The following MYO1C variants were observed in gnomAD, a reference collection of about 807,000 sequenced individuals.
The protein encoded by MYO1C is unconventional myosin-Ic.
MYO1C carries 104 observed loss-of-function variants against 150.8 expected under a neutral mutation model. That is an observed-to-expected ratio of 0.69 (90% CI 0.59 to 0.81). MYO1C has a LOEUF of 0.81. MYO1C is among the 30% of genes least tolerant of loss of function. MYO1C has a pLI of 0.00. For synonymous variants in MYO1C, 663 were observed against 579.9 expected (o/e 1.14, Z -2.06); for missense variants, 1,504 against 1,435.0 (o/e 1.05, Z -0.78).
In MYO1C at chr17:1,478,327, G is replaced by A; in HGVS notation, c.1295+83C>T. On this transcript the variant is annotated intron_variant, in intron 11 of 31. Coordinates refer to ENST00000648651, the MANE Select transcript of MYO1C (RefSeq NM_001080779.2). This position sits in a 1 kb window ranked among gnomAD's most constrained non-coding sequence, Gnocchi z 6.3. ...TCCCCGGCTGGCTGGGGAGTCACAG[G>A]GCAGGAATGAGAGGCTGGAGGACAG... 5.1e-6 allele frequency: 8 copies of A among 1,583,122 alleles called. No homozygotes were observed. The highest frequency in any genetic ancestry group is 1.3e-5 in the African/African-American group (1 of 74,372).
At chr17:1,472,650 C>T (rs1385240201) in intron 17 of MYO1C, among the ~76,000 whole-genome samples, 4 of 152,206 alleles carry the variant, frequency 2.6e-5, no homozygotes, top group African/African-American at 9.7e-5. Flanking sequence ...CGCTCCTTGG[C>T]AAAGACTCAC....
In MYO1C at chr17:1,468,177, C is replaced by T; in HGVS notation, c.2761-54G>A. 13 of 1,611,628 alleles carry T rather than the reference C, an allele frequency of 8.1e-6. No individual in the cohort carries two copies. In the South Asian group the frequency reaches 1.2e-4, roughly 15 times the overall value. ...TGGGGAGAGGCTCCCAAGGCTCCGC[C>T]CCTGCCCTGACCTGCCTTCAGCTCT... On this transcript the variant is annotated intron_variant, in intron 27 of 31. Transcript: ENST00000648651.
rs750525143 is a variant in MYO1C at position 1,474,937 on chromosome 17, C to G, written c.1669+1G>C. 6.2e-7 allele frequency: 1 copy of G among 1,601,514 alleles called. No individual in the cohort carries two copies. The highest frequency in any genetic ancestry group is 1.1e-5 in the South Asian group (1 of 89,696). ...TGGGGACACAGCCCCAGGATCCTCA[C>G]CGGTCACGCTGTAGGTCACCTCCCC... On this transcript the variant is annotated splice_donor_variant, in intron 15 of 31. Coordinates refer to ENST00000648651, the MANE Select transcript of MYO1C (RefSeq NM_001080779.2). LOFTEE classifies it high-confidence loss of function.
In MYO1C at chr17:1,477,580, C is replaced by T. The variant is rs1402185235; in HGVS notation, c.1499G>A (p.Arg500His). The change falls in exon 14 of 32, where the codon CGC (arginine) becomes CAC (histidine). Residue 500 changes from arginine to histidine, a missense_variant. Arg to His is a conservative substitution (Grantham distance 29, BLOSUM62 0). Transcript: ENST00000648651. ...GGTCAGGTCTGTGGCCTCCCCGGGG[C>T]GCAGACACTCCTCATCCTGGGGGGT... Reference protein sequence around the residue: ...IISILDEECLRPGEATDLTFL... With the variant: ...IISILDEECLHPGEATDLTFL... 2 of 1,613,410 alleles carry T rather than the reference C, an allele frequency of 1.2e-6. No homozygotes were observed. Among genetic ancestry groups the T allele is most frequent in the Non-Finnish European group, 1.7e-6 (2 of 1,179,954 alleles).
chr17:1,484,110 A>AC (rs746696403), intron 2 of MYO1C, 38 bp downstream of exon 2: 39 of 1,609,130 alleles, frequency 2.4e-5, no homozygotes, highest in Non-Finnish European at 3.1e-5. Flanking sequence ...TGTGTCTGTG[A>AC]CCCCAGCACC....
Position 1,479,544 on chromosome 17 carries a change from G to GCCCCCCCCCCCCCCCGCCGC in MYO1C, c.1021-43_1021-42insGCGGCGGGGGGGGGGGGGGG. The GCCCCCCCCCCCCCCCGCCGC allele has an allele frequency of 8.5e-7, 1 of 1,175,168 alleles. No individual in the cohort carries two copies. Among genetic ancestry groups the GCCCCCCCCCCCCCCCGCCGC allele is most frequent in the Non-Finnish European group, 1.2e-6 (1 of 804,194 alleles). The allele number at this position is 1,175,168 out of a possible 1,614,324, so 72.8% of individuals were successfully genotyped here. ...AGGACACGGTGAGGGTGCACCCCCAGCCCCCGCCCCCGCCGTCCTCCCGTC... is the reference window on the plus strand; with the variant it reads ...AGGACACGGTGAGGGTGCACCCCCAGCCCCCCCCCCCCCCCGCCGCCCCCCGCCCCCGCCGTCCTCCCGTC... On this transcript the variant is annotated intron_variant, in intron 8 of 31. Transcript: ENST00000648651. This position sits in a 1 kb window ranked among gnomAD's most constrained non-coding sequence, Gnocchi z 4.2.
intron 17 of MYO1C, among the ~76,000 whole-genome samples, chr17:1,473,043 T>TA (rs2074336242): frequency 6.6e-6 from 1 of 151,730 alleles, no homozygotes; most frequent in African/African-American, 2.4e-5. Flanking sequence ...TCTACAAAAA[T>TA]AAAAAAATTA....
chr17:1,484,608 C>G (rs1262496190), intron 1 of MYO1C: 19 of 542,556 alleles, frequency 3.5e-5, no homozygotes, highest in Non-Finnish European at 6.0e-5. Context: ...TGGACGCAGG[C>G]AGGACCAGAG....
rs577266630 is a variant in MYO1C, at chr17:1,479,280, A to G, written c.1092+151T>C. On this transcript the variant is annotated intron_variant, in intron 9 of 31. Transcript: ENST00000648651. The surrounding 1 kb of genome is among the most constrained non-coding windows in gnomAD (Gnocchi z 4.2). ...AGTGCTGGGGTTACAGGCGTGAGCCACGGCGCTCGGCTCTCACTCTGCTTC... is the reference window on the plus strand; with the variant it reads ...AGTGCTGGGGTTACAGGCGTGAGCCGCGGCGCTCGGCTCTCACTCTGCTTC... 13 of 669,002 alleles carry G rather than the reference A, an allele frequency of 1.9e-5. No homozygotes were observed. 41.4% of individuals were successfully genotyped at this position (669,002 alleles called of 1,614,324 possible).
intron 7 of MYO1C, 92 bp downstream of exon 7, chr17:1,480,435 T>A (rs1227472829): frequency 1.4e-5 from 16 of 1,149,252 alleles, no homozygotes; most frequent in Non-Finnish European, 2.1e-5. Flanking sequence ...GCAACAAGAA[T>A]GAAACTCCGT....
At position 1,474,526 on chromosome 17, in the gene MYO1C, A is replaced by G. The variant is rs373624743; in HGVS notation, c.1797+84T>C. 160 of 1,436,650 alleles carry G rather than the reference A, an allele frequency of 1.1e-4. 1 individual carries two copies. The African/African-American group carries it at 2.0e-3, about 18-fold the overall frequency. The allele number at this position is 1,436,650 out of a possible 1,614,324, so 89.0% of individuals were successfully genotyped here. On this transcript the variant is annotated intron_variant, in intron 17 of 31. Coordinates refer to ENST00000648651, the MANE Select transcript of MYO1C (RefSeq NM_001080779.2). ...CACGGGCTCACACGCGTTCACACGC[A>G]CGCTGCCAGCTCCCAGGCTCACACA...
At position 1,475,138 on chromosome 17, in the gene MYO1C, A is replaced by C. The variant is rs546828712; in HGVS notation, c.1575-106T>G. 410 of 1,154,804 alleles carry C rather than the reference A, an allele frequency of 3.6e-4. 3 individuals are homozygous for C. The Middle Eastern group carries it at 5.0e-3, about 14-fold the overall frequency. 71.5% of individuals were successfully genotyped at this position (1,154,804 alleles called of 1,614,324 possible). On this transcript the variant is annotated intron_variant, in intron 14 of 31. Coordinates refer to ENST00000648651, the MANE Select transcript of MYO1C (RefSeq NM_001080779.2). ...GGAACCAGCTGCCCAGGTGCACCCCAGGCCGGGCACAGTGGCTCACGGCTG... is the reference window on the plus strand; with the variant it reads ...GGAACCAGCTGCCCAGGTGCACCCCCGGCCGGGCACAGTGGCTCACGGCTG...
intron 31 of MYO1C, 116 bp downstream of exon 31, chr17:1,467,126 G>T: frequency 1.0e-6 from 1 of 958,388 alleles, no homozygotes; most frequent in Non-Finnish European, 1.6e-6. Flanking sequence ...GGAAGAGGTG[G>T]TATGATGGCC....
At position 1,471,934 on chromosome 17, in the gene MYO1C, CG is replaced by C. The variant is rs1211892101; in HGVS notation, c.1993del (p.Arg665AlafsTer93). Reference protein sequence around the residue: ...LRVRRAGFAYRRKYEAFLQRY... With the variant: ...LRVRRAGFAYXRKYEAFLQRY... ...TTGCAGGAAAGCTTCGTATTTGCGG[CG>C]ATAGGCAAAGCCGGCTCTGCGCACG... On this transcript the variant is annotated frameshift_variant, in exon 19 of 32. Coordinates refer to ENST00000648651, the MANE Select transcript of MYO1C (RefSeq NM_001080779.2). LOFTEE classifies it high-confidence loss of function. The C allele has an allele frequency of 6.2e-7, 1 of 1,613,984 alleles. No homozygotes were observed. Among genetic ancestry groups the C allele is most frequent in the Non-Finnish European group, 8.5e-7 (1 of 1,180,022 alleles).
chr17:1,487,376 G>T (rs555985925), intron 1 of MYO1C, among the ~76,000 whole-genome samples: 360 of 152,342 alleles, frequency 2.4e-3, no homozygotes, highest in Middle Eastern at 0.014. Flanking sequence ...CAAAGCCCCA[G>T]CGCCCCACCC....
intron 17 of MYO1C, 144 bp downstream of exon 17, chr17:1,474,466 C>T (rs1048320382): frequency 8.7e-6 from 7 of 807,750 alleles, no homozygotes; most frequent in Non-Finnish European, 1.5e-5. Context: ...CAAAGAGGCA[C>T]CTAAGGCAGC....
intron 1 of MYO1C, among the ~76,000 whole-genome samples, chr17:1,486,357 C>G (rs1432365490): frequency 3.3e-5 from 5 of 152,154 alleles, no homozygotes; most frequent in Admixed American, 3.3e-4. Flanking sequence ...AACGGGTGCC[C>G]TGGCCGAGCG....
intron 1 of MYO1C, chr17:1,491,645 G>A: frequency 4.1e-6 from 4 of 980,880 alleles, no homozygotes; most frequent in Non-Finnish European, 4.8e-6. Flanking sequence ...GGGCGGCGTG[G>A]CGGGCTTGGG....
Position 1,479,273 on chromosome 17 carries a change from G to C in MYO1C, c.1092+158C>G, listed in dbSNP as rs781532564. On this transcript the variant is annotated intron_variant, in intron 9 of 31. Coordinates refer to ENST00000648651, the MANE Select transcript of MYO1C (RefSeq NM_001080779.2). The surrounding 1 kb of genome is among the most constrained non-coding windows in gnomAD (Gnocchi z 4.2). Reference sequence around the variant, plus strand: ...CTCCCCAAGTGCTGGGGTTACAGGCGTGAGCCACGGCGCTCGGCTCTCACT... The same window carrying C: ...CTCCCCAAGTGCTGGGGTTACAGGCCTGAGCCACGGCGCTCGGCTCTCACT... 6.6e-6 allele frequency among the ~76,000 whole-genome samples: 1 copy of C among 152,184 alleles called. No homozygotes were observed. Among genetic ancestry groups the C allele is most frequent in the Non-Finnish European group, 1.5e-5 (1 of 68,032 alleles).
Sources: gnomAD v4.1 joint callset for allele counts (sites outside exome capture counted in the v4.1 genomes callset) on GRCh38, gnomAD v4.1.1 for gene constraint, Gnocchi (gnomAD v3.1) non-coding constraint, MANE v1.5 for transcripts, NCBI Gene and HGNC (gene_info 2026-07-23, HGNC 2026-07-21) for gene names.